Variants in SSH1 observed in about 807,000 individuals in gnomAD.
SSH1 encodes protein phosphatase Slingshot homolog 1.
Under a neutral mutation model 79.7 loss-of-function variants are expected in SSH1, and 43 were observed. That is an observed-to-expected ratio of 0.54 (90% CI 0.42 to 0.70). The LOEUF (loss-of-function observed/expected upper bound fraction) is 0.70, where lower values mean the gene tolerates loss of function less well. Ranked by LOEUF, SSH1 falls within the 30% of genes least tolerant of loss-of-function variation. The pLI, the probability that SSH1 is intolerant of heterozygous loss-of-function variation, is 0.00. For missense variants in SSH1, 1,206 were observed against 1,358.8 expected (o/e 0.89, Z 1.77); for synonymous variants, 599 against 538.3 (o/e 1.11, Z -1.56).
Position 108,855,616 on chromosome 12 carries a change from C to A in SSH1, c.69+1812G>T, listed in dbSNP as rs1382415051. Among the ~76,000 whole-genome samples the A allele has an allele frequency of 3.9e-5, 6 of 152,190 alleles. No homozygotes were observed. In the East Asian group the frequency reaches 1.2e-3, roughly 29 times the overall value. ...TGGGCTGACAGGTTCAGCCTGAAGCCAACCTCTCCCCTTACCTCACATAAA... is the reference window on the plus strand; with the variant it reads ...TGGGCTGACAGGTTCAGCCTGAAGCAAACCTCTCCCCTTACCTCACATAAA... On this transcript the variant is annotated intron_variant, in intron 1 of 14. Coordinates refer to ENST00000326495, the MANE Select transcript of SSH1 (RefSeq NM_018984.4).
intron 2 of SSH1, among the ~76,000 whole-genome samples, chr12:108,829,094 G>C (rs2038407569): frequency 6.6e-6 from 1 of 152,120 alleles, no homozygotes; most frequent in Non-Finnish European, 1.5e-5. Context: ...TTGGGAGGCT[G>C]AGATGGGTGG....
intron 2 of SSH1, chr12:108,827,258 C>A: frequency 6.5e-7 from 1 of 1,545,154 alleles, no homozygotes; most frequent in Non-Finnish European, 8.7e-7. Context: ...GGTGGTCATA[C>A]GTACTAATTT....
intron 10 of SSH1, among the ~76,000 whole-genome samples, chr12:108,804,118 C>T (rs2037157279): frequency 6.6e-6 from 1 of 152,132 alleles, no homozygotes; most frequent in Non-Finnish European, 1.5e-5. Context: ...GACAAGGTCT[C>T]ACTATGTTGC....
intron 1 of SSH1, 135 bp from the exon 2 acceptor site, chr12:108,852,813 G>A (rs2039071222): frequency 5.7e-6 from 9 of 1,565,520 alleles, no homozygotes; most frequent in South Asian, 1.1e-5. Context: ...CTAAACAGCC[G>A]TGCCCTTTCC....
rs773059580 is a variant in SSH1 at position 108,792,529 on chromosome 12, C to T, written c.1650G>A (p.Val550=). The T allele has an allele frequency of 2.5e-6, 4 of 1,614,208 alleles. No homozygotes were observed. Among genetic ancestry groups the T allele is most frequent in the Non-Finnish European group, 3.4e-6 (4 of 1,180,038 alleles). Residue 550 remains valine (V), a synonymous_variant, in exon 14 of 15, where the codon GTG becomes GTA. Transcript: ENST00000326495. ...GCTGGGGCTGTCTGGCCGGCCTGTGCACCTCTGCAGGTGGAGCAGCTTCCT... is the reference window on the plus strand; with the variant it reads ...GCTGGGGCTGTCTGGCCGGCCTGTGTACCTCTGCAGGTGGAGCAGCTTCCT... ...LLEEAAPPAE[V]HRPARQPQQG...
intron 11 of SSH1, among the ~76,000 whole-genome samples, chr12:108,801,738 A>T (rs928303456): frequency 9.3e-5 from 6 of 64,320 alleles, no homozygotes; most frequent in African/African-American, 1.8e-4. Context: ...TGTTGTTTTA[A>T]AAAAAAAAAA....
At chr12:108,846,235 A>G (rs907940169) in intron 2 of SSH1, among the ~76,000 whole-genome samples, 17 of 152,310 alleles carry the variant, frequency 1.1e-4, no homozygotes, top group Non-Finnish European at 2.1e-4. Context: ...AGGCAATCAC[A>G]AATGAGCAAA....
chr12:108,791,964 A>G (rs1473473206), intron 14 of SSH1: 1 of 1,316,562 alleles, frequency 7.6e-7, no homozygotes. Context: ...CATACACAAA[A>G]AGAAATTGAG....
At chr12:108,789,997 T>C (rs2036435230) in intron 14 of SSH1, among the ~76,000 whole-genome samples, 1 of 151,974 alleles carries the variant, frequency 6.6e-6, no homozygotes, top group Non-Finnish European at 1.5e-5. Context: ...CCCCGCCAGC[T>C]CTGTCTCTCA....
At chr12:108,819,592 G>A (rs1191480469) in intron 3 of SSH1, among the ~76,000 whole-genome samples, 1 of 152,158 alleles carries the variant, frequency 6.6e-6, no homozygotes, top group African/African-American at 2.4e-5. Flanking sequence ...GCTTTGGGAG[G>A]CCGAGGCAGG....
At chr12:108,841,541 C>T (rs1269816321) in intron 2 of SSH1, among the ~76,000 whole-genome samples, 1 of 152,346 alleles carries the variant, frequency 6.6e-6, no homozygotes, top group East Asian at 1.9e-4. Context: ...GGTGCAGTGG[C>T]TCACGCCTGT....
intron 5 of SSH1, among the ~76,000 whole-genome samples, chr12:108,816,290 G>A (rs2037881917): frequency 6.6e-6 from 1 of 152,164 alleles, no homozygotes; most frequent in Non-Finnish European, 1.5e-5. Context: ...GTTTACCTGG[G>A]CCTAGCCCAT....
At chr12:108,820,719 G>A (rs950206183) in intron 3 of SSH1, among the ~76,000 whole-genome samples, 2 of 152,170 alleles carry the variant, frequency 1.3e-5, no homozygotes, top group Non-Finnish European at 2.9e-5. Context: ...ACCCTCAATT[G>A]TACTCAGCTC....
intron 2 of SSH1, among the ~76,000 whole-genome samples, chr12:108,842,774 T>C (rs1451678731): frequency 2.0e-5 from 3 of 152,170 alleles, no homozygotes; most frequent in African/African-American, 7.2e-5. Context: ...GCACAGGTTT[T>C]GGAGTCAATG....
In SSH1 at chr12:108,787,773, G is replaced by GT; in HGVS notation, c.*214dup. The GT allele has an allele frequency of 1.6e-6, 1 of 631,038 alleles. No homozygotes were observed. Among genetic ancestry groups the GT allele is most frequent in the Non-Finnish European group, 2.7e-6 (1 of 370,586 alleles). The allele number at this position is 631,038 out of a possible 1,614,324, so 39.1% of individuals were successfully genotyped here. Reference sequence around the variant, plus strand: ...TGTGTCTCCTGGCCGGCGGCTCCTGGTTCTCCCAGGCCACACGACTGACAG... The same window carrying GT: ...TGTGTCTCCTGGCCGGCGGCTCCTGGTTTCTCCCAGGCCACACGACTGACAG... On this transcript the variant is annotated 3_prime_UTR_variant, in exon 15 of 15. Transcript: ENST00000326495.
At chr12:108,791,567 T>C (rs1421109319) in intron 14 of SSH1, among the ~76,000 whole-genome samples, 1 of 152,178 alleles carries the variant, frequency 6.6e-6, no homozygotes, top group African/African-American at 2.4e-5. Context: ...GAGACCAGGC[T>C]GGGCAACAGT....
chr12:108,816,474 C>T (rs1252259445), intron 5 of SSH1, among the ~76,000 whole-genome samples: 1 of 152,338 alleles, frequency 6.6e-6, no homozygotes, highest in Non-Finnish European at 1.5e-5. Flanking sequence ...TCATTTCACA[C>T]GCATCTTGGG....
At position 108,783,940 on chromosome 12, in the gene SSH1, A is replaced by G. The variant is rs2036199564; in HGVS notation, c.*4048T>C. 1 of 152,242 alleles carries G rather than the reference A, an allele frequency of 6.6e-6. No individual in the cohort carries two copies. The highest frequency in any genetic ancestry group is 2.1e-4 in the South Asian group (1 of 4,834). The allele number at this position is 152,242 out of a possible 1,614,324, so 9.4% of individuals were successfully genotyped here. A position where few individuals can be genotyped will look rare whatever the true frequency, so the allele number is the denominator to read the frequency against. On this transcript the variant is annotated 3_prime_UTR_variant, in exon 15 of 15. Coordinates refer to ENST00000326495, the MANE Select transcript of SSH1 (RefSeq NM_018984.4). ...GTGTCACCAAGTTTCTGATCTACCC[A>G]GCTCTCTTGCCAGAGGTGAAGGGGG...
rs1002986855 is a variant in SSH1, at chr12:108,788,932, G to A, written c.2206C>T (p.Pro736Ser). Residue 736 changes from proline to serine, a missense_variant, in exon 15 of 15, where the codon CCA (proline) becomes TCA (serine). Coordinates refer to ENST00000326495, the MANE Select transcript of SSH1 (RefSeq NM_018984.4). ...GAAGGTTCCAAAAGGCTGGCTGGTG[G>A]CTCTAGGGCAGCTCCAGCCCCAGGG... Reference protein sequence around the residue: ...SGPGAGAALEPPASLLEPSRE... With the variant: ...SGPGAGAALESPASLLEPSRE... The A allele has an allele frequency of 2.5e-6, 4 of 1,614,044 alleles. No homozygotes were observed. Among genetic ancestry groups the A allele is most frequent in the African/African-American group, 1.3e-5 (1 of 74,926 alleles).
Sources: allele counts gnomAD v4.1 joint callset (sites outside exome capture counted in the v4.1 genomes callset), GRCh38; gene constraint gnomAD v4.1.1; transcripts MANE v1.5; gene names NCBI Gene and HGNC (gene_info 2026-07-23, HGNC 2026-07-21).